SEC16A: variants seen among roughly 807,000 people sequenced by gnomAD.
SEC16A encodes SEC16 homolog A, endoplasmic reticulum export factor.
SEC16A carries 110 observed loss-of-function variants against 221.9 expected under a neutral mutation model. The observed-to-expected ratio is 0.50, with a 90% CI of 0.42 to 0.58. SEC16A has a LOEUF of 0.58. SEC16A is among the 20% of genes least tolerant of loss of function. The pLI, the probability that SEC16A is intolerant of heterozygous loss-of-function variation, is 0.00. For synonymous variants in SEC16A, 1,393 were observed against 1,257.7 expected (o/e 1.11, Z -2.28); for missense variants, 3,165 against 3,097.8 (o/e 1.02, Z -0.52).
At position 136,464,489 on chromosome 9, in the gene SEC16A, C is replaced by G. The variant is rs768771675; in HGVS notation, c.4377G>C (p.Gln1459His). The G allele has an allele frequency of 3.7e-6, 6 of 1,612,930 alleles. No homozygotes were observed. The East Asian group carries it at 6.7e-5, about 18-fold the overall frequency. The change falls in exon 9 of 32, where the codon CAG becomes CAC. Residue 1459 changes from glutamine (Q) to histidine (H), a missense_variant. This residue lies in a region of SEC16A where 2,030 missense variants were observed against 1,923.1 expected (regional missense o/e 1.06). Transcript: ENST00000684901. ...GCAGATTGGGAATCACTTTGATAAG[C>G]TGACCGCCAGGGCCAAACCTGGCAC... ...HVCARFGPGG[Q>H]LIKVIPNLPS...
intron 12 of SEC16A, among the ~76,000 whole-genome samples, chr9:136,461,478 A>G (rs1763908823): frequency 1.3e-5 from 2 of 152,214 alleles, no homozygotes. Context: ...GGTAGTGGGT[A>G]TTTGTAGATA....
At chr9:136,455,509 G>A in intron 20 of SEC16A, 92 bp downstream of exon 20, 5 of 1,229,722 alleles carry the variant, frequency 4.1e-6, no homozygotes, top group Non-Finnish European at 5.5e-6. Flanking sequence ...ACATCTGAAA[G>A]CAGTTCTCCA....
At chr9:136,468,664 GGAT>G (rs1372859293) in intron 4 of SEC16A, among the ~76,000 whole-genome samples, 152 bp from the exon 5 acceptor site, 1 of 152,218 alleles carries the variant, frequency 6.6e-6, no homozygotes, top group Non-Finnish European at 1.5e-5. Flanking sequence ...ACAGTAGCAA[GGAT>G]GAGACTGTGG....
At chr9:136,445,576 G>C in intron 29 of SEC16A, 69 bp downstream of exon 29, 2 of 1,182,744 alleles carry the variant, frequency 1.7e-6, no homozygotes, top group Non-Finnish European at 2.4e-6. Flanking sequence ...CATAAAGGAA[G>C]AGGCGCCTGG....
chr9:136,466,545 TGAGACC>T lies in SEC16A; in HGVS notation c.3930-89_3930-84del, dbSNP rs1335993518. 7 of 1,340,440 alleles carry T rather than the reference TGAGACC, an allele frequency of 5.2e-6. No homozygotes were observed. Among genetic ancestry groups the T allele is most frequent in the African/African-American group, 1.5e-5 (1 of 68,222 alleles). 83.0% of individuals were successfully genotyped at this position (1,340,440 alleles called of 1,614,324 possible). A position where few individuals can be genotyped will look rare whatever the true frequency, so the allele number is the denominator to read the frequency against. ...ATGTGCCACGCAGCTGCCCAGGAGC[TGAGACC>T]GAGACCCCTGGGGCCGAGGCACAAC... On this transcript the variant is annotated intron_variant, in intron 6 of 31. Coordinates refer to ENST00000684901, the MANE Select transcript of SEC16A (RefSeq NM_014866.2). This position sits in a 1 kb window ranked among gnomAD's most constrained non-coding sequence, Gnocchi z 5.5.
In SEC16A at chr9:136,466,017, G is replaced by A. The variant is rs371893914; in HGVS notation, c.4248C>T (p.Pro1416=). The A allele has an allele frequency of 1.8e-4, 297 of 1,613,668 alleles. 1 individual carries two copies. The highest frequency in any genetic ancestry group is 1.7e-3 in the South Asian group (152 of 91,084). The change falls in exon 8 of 32, where the codon CCC becomes CCT. Residue 1416 remains proline (P), a synonymous_variant. Transcript: ENST00000684901. The surrounding 1 kb of genome is among the most constrained non-coding windows in gnomAD (Gnocchi z 5.5). ...CAGGGTAGCCATACTCTGGGAAGCC[G>A]GGGCCACTGCTGAAATTGCTGCGGT... The part of the protein sequence containing the change: ...GTYRSNFSSG[P]GFPEYGYPAD...
chr9:136,442,477 G>A (rs1330758094), intron 31 of SEC16A, among the ~76,000 whole-genome samples: 1 of 152,216 alleles, frequency 6.6e-6, no homozygotes, highest in Non-Finnish European at 1.5e-5. Context: ...GGGCAGGCTG[G>A]GGTGACAATG....
At position 136,451,389 on chromosome 9, in the gene SEC16A, G is replaced by C. The variant is rs1280437927; in HGVS notation, c.6179C>G (p.Pro2060Arg). Residue 2060 changes from proline (P) to arginine (R), a missense_variant, in exon 23 of 32, where the codon CCA becomes CGA. Physicochemically the swap from Pro to Arg is moderately radical, Grantham distance 103 (BLOSUM62 -2). Transcript: ENST00000684901. ...CCACCCTGGGGGGGCCTCCGAGTCT[G>C]GCACCGTCCTCGAGGGGGTCTGTCG... ...FANLTPSRTV[P>R]DSEAPPGWDR... 6.2e-7 allele frequency: 1 copy of C among 1,610,060 alleles called. No homozygotes were observed. Among genetic ancestry groups the C allele is most frequent in the Non-Finnish European group, 8.5e-7 (1 of 1,178,368 alleles).
chr9:136,447,276 A>G lies in SEC16A; in HGVS notation c.6648T>C (p.Ala2216=), dbSNP rs1256078934. The part of the protein sequence containing the change: ...EPALAPADFV[A]PLAPLPIPSN... ...AAGGAATTGGGAGTGGCGCGAGTGG[A>G]GCGACAAAGTCCGCAGGAGCGAGAG... Residue 2216 remains alanine (A), a synonymous_variant, in exon 27 of 32, where the codon GCT becomes GCC. Coordinates refer to ENST00000684901, the MANE Select transcript of SEC16A (RefSeq NM_014866.2). The surrounding 1 kb of genome is among the most constrained non-coding windows in gnomAD (Gnocchi z 5.5). 1.3e-6 allele frequency: 2 copies of G among 1,598,558 alleles called. No homozygotes were observed. The highest frequency in any genetic ancestry group is 1.7e-6 in the Non-Finnish European group (2 of 1,173,126).
rs1192144566 is a variant in SEC16A at position 136,441,169 on chromosome 9, A to G, written c.*586T>C. ...CTAAGGCCTCTCTCAAAAACCGTGA[A>G]CTAATGCCGAAGGAACCCCACGGCT... On this transcript the variant is annotated 3_prime_UTR_variant, in exon 32 of 32. Coordinates refer to ENST00000684901, the MANE Select transcript of SEC16A (RefSeq NM_014866.2). 6.5e-6 allele frequency: 1 copy of G among 153,584 alleles called. No individual in the cohort carries two copies. Among genetic ancestry groups the G allele is most frequent in the East Asian group, 1.9e-4 (1 of 5,340 alleles). The allele number at this position is 153,584 out of a possible 1,614,324, so 9.5% of individuals were successfully genotyped here. A position where few individuals can be genotyped will look rare whatever the true frequency, so the allele number is the denominator to read the frequency against.
chr9:136,446,089 G>A (rs114823564), intron 28 of SEC16A, among the ~76,000 whole-genome samples: 3,400 of 151,464 alleles, frequency 0.022, 164 homozygotes, highest in African/African-American at 0.077. Flanking sequence ...ACCGTACAGA[G>A]TGCAGTCTGA....
chr9:136,464,534 T>C lies in SEC16A; in HGVS notation c.4332A>G (p.Lys1444=). The change falls in exon 9 of 32, where the codon AAA becomes AAG. Residue 1444 remains lysine (K), a synonymous_variant. Transcript: ENST00000684901. The stretch of plus-strand genomic sequence containing the variant: ...TGGCACAGACATGAGGCACTGAAAA[T>C]TTTTCAGGAGAAGTTGGTCTTGATG... ...QVSSRPTSPE[K]FSVPHVCARF... is the part of the protein sequence containing the mutation. 6.2e-7 allele frequency: 1 copy of C among 1,603,512 alleles called. No individual in the cohort carries two copies. Among genetic ancestry groups the C allele is most frequent in the East Asian group, 2.2e-5 (1 of 44,652 alleles).
In SEC16A at chr9:136,476,609, G is replaced by A. The variant is rs1025325657; in HGVS notation, c.1007C>T (p.Pro336Leu). Residue 336 changes from proline (P) to leucine (L), a missense_variant, in exon 3 of 32, where the codon CCC (proline) becomes CTC (leucine). Transcript: ENST00000684901. Reference protein sequence around the residue: ...EHRPASALVNPLARGDSPENR... With the variant: ...EHRPASALVNLLARGDSPENR... ...TTCTGGGCTATCTCCCCGGGCGAGG[G>A]GGTTCACAAGAGCAGAGGCGGGCCG... The A allele has an allele frequency of 5.0e-6, 8 of 1,595,984 alleles. No homozygotes were observed. The highest frequency in any genetic ancestry group is 3.3e-4 in the Middle Eastern group (2 of 5,974).
chr9:136,471,578 C>A (rs1441103318), intron 4 of SEC16A, among the ~76,000 whole-genome samples: 1 of 152,246 alleles, frequency 6.6e-6, no homozygotes, highest in East Asian at 1.9e-4. Flanking sequence ...TCCTCCCAGG[C>A]CTCCGGAGAC....
intron 19 of SEC16A, 68 bp downstream of exon 19, chr9:136,455,985 T>C: frequency 7.6e-7 from 1 of 1,322,822 alleles, no homozygotes; most frequent in Non-Finnish European, 1.1e-6. Context: ...ATACTTTCAG[T>C]GTGGAAATGA....
At chr9:136,471,880 A>G in intron 4 of SEC16A, 95 bp downstream of exon 4, 1 of 1,416,358 alleles carries the variant, frequency 7.1e-7, no homozygotes, top group South Asian at 1.2e-5. Flanking sequence ...TCAGAAATAC[A>G]GAACTTTTTG....
intron 19 of SEC16A, 75 bp from the exon 20 acceptor site, chr9:136,455,868 C>G: frequency 7.0e-7 from 1 of 1,429,502 alleles, no homozygotes; most frequent in Non-Finnish European, 9.5e-7. Context: ...GCCACCACCG[C>G]GCTTGCTGTG....
intron 17 of SEC16A, among the ~76,000 whole-genome samples, chr9:136,458,354 C>G (rs930660903): frequency 3.3e-5 from 5 of 151,936 alleles, no homozygotes; most frequent in Non-Finnish European, 7.4e-5. Context: ...TACGGCTGGG[C>G]GCGGTGGCTC....
chr9:136,459,995 C>T lies in SEC16A; in HGVS notation c.5073+47G>A. 6.4e-7 allele frequency: 1 copy of T among 1,553,170 alleles called. No homozygotes were observed. The highest frequency in any genetic ancestry group is 1.4e-5 in the African/African-American group (1 of 73,626). On this transcript the variant is annotated intron_variant, in intron 14 of 31. Transcript: ENST00000684901. This position sits in a 1 kb window ranked among gnomAD's most constrained non-coding sequence, Gnocchi z 6.1. ...GACAGCGTCACCCACGAGCAAACTC[C>T]ACACAGGCAGTGGAGCCTGTGCAAG...
Sources: gnomAD v4.1 joint callset for allele counts (sites outside exome capture counted in the v4.1 genomes callset) on GRCh38, gnomAD v4.1.1 for gene constraint, gnomAD v4.1.1 regional missense constraint, Gnocchi (gnomAD v3.1) non-coding constraint, MANE v1.5 for transcripts, NCBI Gene and HGNC (gene_info 2026-07-23, HGNC 2026-07-21) for gene names.